C11orf65: variants seen among roughly 807,000 people sequenced by gnomAD.
C11orf65 encodes the protein chromosome 11 open reading frame 65.
Under a neutral mutation model 35.3 loss-of-function variants are expected in C11orf65, and 38 were observed. The ratio of observed to expected loss-of-function variants is 1.08; its 90% CI spans 0.83 to 1.41. The LOEUF is 1.41. C11orf65 is among the 40% of genes most tolerant of loss of function. The pLI is 0.00. For synonymous variants in C11orf65, 105 were observed against 114.4 expected (o/e 0.92, Z 0.53); for missense variants, 370 against 367.1 (o/e 1.01, Z -0.06).
At chr11:108,412,041 GT>G (rs1429432901) in intron 3 of C11orf65, among the ~76,000 whole-genome samples, 1 of 152,084 alleles carries the variant, frequency 6.6e-6, no homozygotes, top group Non-Finnish European at 1.5e-5. Context: ...CTCCCAAAGT[GT>G]TGGGATTACA....
chr11:108,421,115 G>T (rs938984165), intron 3 of C11orf65, among the ~76,000 whole-genome samples: 11 of 152,056 alleles, frequency 7.2e-5, no homozygotes, highest in African/African-American at 2.7e-4. Context: ...AGCACTAGTC[G>T]TCTTTCTCTT....
chr11:108,469,217 A>G (rs1042190448), upstream of C11orf65, among the ~76,000 whole-genome samples: 2 of 151,846 alleles, frequency 1.3e-5, no homozygotes, highest in African/African-American at 4.8e-5. Context: ...TCCCTCTAAA[A>G]AAAAAAAAAA....
At chr11:108,417,542 G>C (rs1250084882) in intron 3 of C11orf65, among the ~76,000 whole-genome samples, 1 of 150,270 alleles carries the variant, frequency 6.7e-6, no homozygotes, top group East Asian at 1.9e-4. Context: ...ACGAGACTCT[G>C]TCTCAAAAAA....
intron 6 of C11orf65, among the ~76,000 whole-genome samples, chr11:108,313,379 T>C (rs112761667): frequency 0.017 from 2,626 of 152,300 alleles, 45 homozygotes; most frequent in Middle Eastern, 0.085. Context: ...AGACAAACTT[T>C]GTGAAAGAGT....
At chr11:108,340,442 A>G (rs1168534305) in intron 2 of C11orf65, 2 of 152,142 alleles carry the variant, frequency 1.3e-5, no homozygotes, top group African/African-American at 2.4e-5. Context: ...AAAAATTCCT[A>G]AATGTCACCA....
intron 3 of C11orf65, among the ~76,000 whole-genome samples, chr11:108,427,613 A>G (rs1261782682): frequency 7.1e-6 from 1 of 141,756 alleles, no homozygotes; most frequent in African/African-American, 2.6e-5. Flanking sequence ...TCCCAGCTAC[A>G]CGGGAGGCTG....
intron 2 of C11orf65, chr11:108,335,795 TTATAATAAA>T (rs1565542915): frequency 6.8e-7 from 1 of 1,478,184 alleles, no homozygotes. Flanking sequence ...CTCTGTGTTT[TTATAATAAA>T]ATAAACTGTA....
chr11:108,423,263 G>A (rs2092847028), intron 3 of C11orf65, among the ~76,000 whole-genome samples: 1 of 152,146 alleles, frequency 6.6e-6, no homozygotes, highest in Non-Finnish European at 1.5e-5. Context: ...GGGGGCTGAA[G>A]CCAGGGAGCC....
At chr11:108,393,796 A>G (rs1308962621) in intron 6 of C11orf65, among the ~76,000 whole-genome samples, 1 of 152,200 alleles carries the variant, frequency 6.6e-6, no homozygotes, top group African/African-American at 2.4e-5. Flanking sequence ...AAGGAAAGTG[A>G]AAAAAGGAAA....
At chr11:108,317,084 C>T (rs1224909375) in intron 6 of C11orf65, among the ~76,000 whole-genome samples, 5 of 144,064 alleles carry the variant, frequency 3.5e-5, no homozygotes, top group Non-Finnish European at 4.5e-5. Flanking sequence ...CAGGTACACA[C>T]TACCATACCC....
At chr11:108,448,010 A>G (rs1353096471) in intron 2 of C11orf65, among the ~76,000 whole-genome samples, 1 of 152,232 alleles carries the variant, frequency 6.6e-6, no homozygotes, top group Non-Finnish European at 1.5e-5. Context: ...ACAGACCTCT[A>G]TGCAAATAAA....
intron 6 of C11orf65, chr11:108,310,055 A>G: frequency 1.6e-6 from 2 of 1,242,046 alleles, no homozygotes; most frequent in Non-Finnish European, 2.3e-6. Flanking sequence ...GGAATTTGTA[A>G]TTTTCTGTTA....
chr11:108,362,094 A>C (rs1211066746), intron 2 of C11orf65, among the ~76,000 whole-genome samples: 1 of 137,116 alleles, frequency 7.3e-6, no homozygotes, highest in Non-Finnish European at 1.6e-5. Flanking sequence ...ACTCAAACAA[A>C]TTTACAAGAA....
intron 2 of C11orf65, chr11:108,365,853 A>T: frequency 3.9e-6 from 1 of 257,696 alleles, no homozygotes; most frequent in Non-Finnish European, 7.6e-6. Context: ...GTATGGTGAA[A>T]CCCTGTCTCT....
At chr11:108,362,473 C>T (rs1461590814) in intron 2 of C11orf65, among the ~76,000 whole-genome samples, 1 of 151,204 alleles carries the variant, frequency 6.6e-6, no homozygotes, top group African/African-American at 2.4e-5. Flanking sequence ...GACTATAAAT[C>T]ATGCTGCTAT....
intron 2 of C11orf65, among the ~76,000 whole-genome samples, chr11:108,440,485 T>A (rs1267448942): frequency 6.6e-6 from 1 of 152,218 alleles, no homozygotes; most frequent in Non-Finnish European, 1.5e-5. Flanking sequence ...GTCTCTTGGT[T>A]CTTTTCCTTA....
At chr11:108,372,443 T>TC in intron 2 of C11orf65, among the ~76,000 whole-genome samples, 1 of 152,364 alleles carries the variant, frequency 6.6e-6, no homozygotes, top group Middle Eastern at 3.4e-3. Flanking sequence ...TATGCCCGCC[T>TC]CAGCACCCCA....
At chr11:108,318,152 A>G (rs534072353) in intron 6 of C11orf65, among the ~76,000 whole-genome samples, 1 of 152,236 alleles carries the variant, frequency 6.6e-6, no homozygotes, top group Non-Finnish European at 1.5e-5. Flanking sequence ...GCCTGAGCTC[A>G]GGAGTTTGAG....
chr11:108,407,183 C>A, intron 3 of C11orf65, 34 bp from the exon 4 acceptor site: 2 of 1,395,436 alleles, frequency 1.4e-6, no homozygotes, highest in South Asian at 1.3e-5. Flanking sequence ...ATATATTATT[C>A]TTCAGGATTC....
Sources: allele counts gnomAD v4.1 joint callset (sites outside exome capture counted in the v4.1 genomes callset), GRCh38; gene constraint gnomAD v4.1.1; transcripts MANE v1.5; gene names NCBI Gene and HGNC (gene_info 2026-07-23, HGNC 2026-07-21).